The following PDK1 variants were observed in gnomAD, a reference collection of about 807,000 sequenced individuals.
PDK1 encodes the protein [Pyruvate dehydrogenase (acetyl-transferring)] kinase isozyme 1, mitochondrial.
A neutral mutation model predicts 54.2 loss-of-function variants in PDK1; 39 were observed. The observed-to-expected ratio is 0.72, with a 90% CI of 0.56 to 0.94. The LOEUF is 0.94. PDK1 is among the 40% of genes least tolerant of loss of function. PDK1 has a pLI of 0.00. For missense variants in PDK1, 552 were observed against 566.0 expected, an observed-to-expected ratio of 0.98 and a Z score of 0.25; for synonymous variants, 221 against 207.1, an observed-to-expected ratio of 1.07 and a Z score of -0.58.
intron 2 of PDK1, among the ~76,000 whole-genome samples, chr2:172,559,887 A>C (rs1171560905): frequency 6.6e-6 from 1 of 151,994 alleles, no homozygotes. Context: ...TCTGTCACCC[A>C]GGTTGGAGTG....
Position 172,570,272 on chromosome 2 carries a change from A to G in PDK1, c.847-454A>G, listed in dbSNP as rs566067507. On this transcript the variant is annotated intron_variant, in intron 7 of 10. Coordinates refer to ENST00000282077, the MANE Select transcript of PDK1 (RefSeq NM_002610.5). ...ATACCCTTAATTTCAAACTAGAGATAAAGGGATTCATTGCTCCATCAAATA... is the reference window on the plus strand; with the variant it reads ...ATACCCTTAATTTCAAACTAGAGATGAAGGGATTCATTGCTCCATCAAATA... Among the ~76,000 whole-genome samples, 21 of 152,350 alleles carry G rather than the reference A, an allele frequency of 1.4e-4. 1 individual carries two copies. The South Asian group carries it at 3.9e-3, about 29-fold the overall frequency.
chr2:172,562,784 A>G (rs1414776788), intron 3 of PDK1: 1 of 1,611,374 alleles, frequency 6.2e-7, no homozygotes, highest in Non-Finnish European at 8.5e-7. Flanking sequence ...TTTATGCTGT[A>G]TGGCCTGCAA....
chr2:172,621,850 C>CTCATATGTATGAT, the PDK1 span, among the ~76,000 whole-genome samples: 1 of 114,782 alleles, frequency 8.7e-6, no homozygotes, highest in East Asian at 2.5e-4. Context: ...ATGTATGATA[C>CTCATATGTATGAT]ATGTTTATAT....
At chr2:172,620,088 C>T in the PDK1 span, among the ~76,000 whole-genome samples, 1 of 152,184 alleles carries the variant, frequency 6.6e-6, no homozygotes, top group African/African-American at 2.4e-5. Context: ...ATTGCTTGAG[C>T]CTGGTAGGCG....
the PDK1 span, among the ~76,000 whole-genome samples, chr2:172,709,071 A>G: frequency 6.6e-6 from 1 of 152,184 alleles, no homozygotes; most frequent in Admixed American, 6.5e-5. Context: ...ATTTAGCACT[A>G]TGTTTTTAAA....
At chr2:172,616,714 ATT>A in the PDK1 span, among the ~76,000 whole-genome samples, 25 of 152,154 alleles carry the variant, frequency 1.6e-4, no homozygotes, top group African/African-American at 4.8e-4. Context: ...ATTTAGAAAT[ATT>A]TTTAAATTAT....
the PDK1 span, among the ~76,000 whole-genome samples, chr2:172,631,537 A>C: frequency 2.9e-5 from 2 of 67,876 alleles, no homozygotes; most frequent in African/African-American, 8.4e-5. Context: ...AGCAGAGGTT[A>C]GCCATGTGGT....
At chr2:172,583,200 C>G (rs1690005167) in intron 8 of PDK1, among the ~76,000 whole-genome samples, 1 of 149,398 alleles carries the variant, frequency 6.7e-6, no homozygotes, top group African/African-American at 2.5e-5. Flanking sequence ...ATACCCAGAG[C>G]TCTTTATTCA....
At chr2:172,624,173 A>T in the PDK1 span, among the ~76,000 whole-genome samples, 1 of 152,174 alleles carries the variant, frequency 6.6e-6, no homozygotes, top group African/African-American at 2.4e-5. Context: ...GACCCAAGGA[A>T]GTCCAGAATC....
chr2:172,564,374 A>C (rs1286689458), intron 3 of PDK1, 129 bp from the exon 4 acceptor site: 1 of 673,772 alleles, frequency 1.5e-6, no homozygotes, highest in Non-Finnish European at 2.6e-6. Context: ...TAAGTATAGG[A>C]AAACATGAAC....
the PDK1 span, among the ~76,000 whole-genome samples, chr2:172,644,237 T>A: frequency 1.3e-5 from 2 of 152,198 alleles, no homozygotes; most frequent in Non-Finnish European, 2.9e-5. Flanking sequence ...CTTCAAGGAA[T>A]ATAACAAGGA....
Position 172,600,447 on chromosome 2 carries a change from A to T in PDK1, c.*4478A>T, listed in dbSNP as rs1691074343. The T allele has an allele frequency of 6.6e-6, 1 of 152,096 alleles. No individual in the cohort carries two copies. The highest frequency in any genetic ancestry group is 2.4e-5 in the African/African-American group (1 of 41,412). The allele number at this position is 152,096 out of a possible 1,614,324, so 9.4% of individuals were successfully genotyped here. On this transcript the variant is annotated 3_prime_UTR_variant, in exon 11 of 11. Transcript: ENST00000282077. Reference sequence around the variant, plus strand: ...ATGAACTATTTCTTTTCATCTCTTTACTCTCAGTATCTCCATAATGGCCAG... The same window carrying T: ...ATGAACTATTTCTTTTCATCTCTTTTCTCTCAGTATCTCCATAATGGCCAG...
At chr2:172,677,499 G>T in the PDK1 span, 1 of 152,188 alleles carries the variant, frequency 6.6e-6, no homozygotes, top group Admixed American at 6.5e-5. Flanking sequence ...TTGAAGAGAA[G>T]TCTCAGGACA....
chr2:172,687,416 C>T, the PDK1 span, among the ~76,000 whole-genome samples: 5 of 151,798 alleles, frequency 3.3e-5, no homozygotes, highest in Admixed American at 2.6e-4. Flanking sequence ...GAATATGTGT[C>T]CTATCTTTTT....
rs1691355887 is a variant in PDK1 at position 172,608,149 on chromosome 2, T to A, written c.*12180T>A. On this transcript the variant is annotated 3_prime_UTR_variant, in exon 11 of 11. Coordinates refer to ENST00000282077, the MANE Select transcript of PDK1 (RefSeq NM_002610.5). Reference sequence around the variant, plus strand: ...CTGTGGGGAATTTACAATCTAAATATAACAAACATATAGAGTGAGATAGGA... The same window carrying A: ...CTGTGGGGAATTTACAATCTAAATAAAACAAACATATAGAGTGAGATAGGA... 6.6e-6 allele frequency: 1 copy of A among 152,110 alleles called. No homozygotes were observed. Among genetic ancestry groups the A allele is most frequent in the Non-Finnish European group, 1.5e-5 (1 of 68,020 alleles). The allele number at this position is 152,110 out of a possible 1,614,324, so 9.4% of individuals were successfully genotyped here. A position where few individuals can be genotyped will look rare whatever the true frequency, so the allele number is the denominator to read the frequency against.
At chr2:172,658,753 T>C in the PDK1 span, among the ~76,000 whole-genome samples, 1 of 152,262 alleles carries the variant, frequency 6.6e-6, no homozygotes, top group East Asian at 1.9e-4. Flanking sequence ...GACTGAAATA[T>C]GCCCTGGTCT....
At position 172,580,312 on chromosome 2, in the gene PDK1, G is replaced by T. The variant is rs76470145; in HGVS notation, c.946-5966G>T. 6.0e-3 allele frequency among the ~76,000 whole-genome samples: 871 copies of T among 145,702 alleles called. 6 individuals are homozygous for T. The highest frequency in any genetic ancestry group is 0.022 in the African/African-American group (842 of 39,152). On this transcript the variant is annotated intron_variant, in intron 8 of 10. Coordinates refer to ENST00000282077, the MANE Select transcript of PDK1 (RefSeq NM_002610.5). ...TTAGTTGTGTGTCAGCTACTTTCCC[G>T]TTAAGGTTTACAGTCAAGAAAAGAC...
Position 172,599,304 on chromosome 2 carries a change from G to C in PDK1, c.*3335G>C, listed in dbSNP as rs1691033337. 2 of 152,058 alleles carry C rather than the reference G, an allele frequency of 1.3e-5. No homozygotes were observed. The highest frequency in any genetic ancestry group is 1.3e-4 in the Admixed American group (2 of 15,256). 9.4% of individuals were successfully genotyped at this position (152,058 alleles called of 1,614,324 possible). A position where few individuals can be genotyped will look rare whatever the true frequency, so the allele number is the denominator to read the frequency against. On this transcript the variant is annotated 3_prime_UTR_variant, in exon 11 of 11. Coordinates refer to ENST00000282077, the MANE Select transcript of PDK1 (RefSeq NM_002610.5). ...AGCACAATTTCCCTTCATTGTTGAA[G>C]CCAACAAGTTCCGTAACAGAACTCC...
At chr2:172,645,259 G>GATT in the PDK1 span, among the ~76,000 whole-genome samples, 1 of 38,740 alleles carries the variant, frequency 2.6e-5, no homozygotes, top group Non-Finnish European at 6.5e-5. Context: ...TACAAAATAG[G>GATT]CTTTTTTTTT....
Sources: gnomAD v4.1 joint callset for allele counts (sites outside exome capture counted in the v4.1 genomes callset) on GRCh38, gnomAD v4.1.1 for gene constraint, MANE v1.5 for transcripts, NCBI Gene and HGNC (gene_info 2026-07-23, HGNC 2026-07-21) for gene names.